The following MSRB3 variants were observed in gnomAD, a reference collection of about 807,000 sequenced individuals.
MSRB3 encodes the protein methionine-R-sulfoxide reductase B3.
Under a neutral mutation model 21.0 loss-of-function variants are expected in MSRB3, and 13 were observed. The ratio of observed to expected loss-of-function variants is 0.62; its 90% CI spans 0.40 to 0.98. MSRB3 has a LOEUF of 0.98. Ranked by LOEUF, MSRB3 falls within the 50% of genes least tolerant of loss-of-function variation. The pLI is 0.00. For synonymous variants in MSRB3, 87 were observed against 88.6 expected (o/e 0.98, Z 0.10); for missense variants, 199 against 230.3 (o/e 0.86, Z 0.88).
chr12:65,343,508 A>AT (rs554404575), intron 4 of MSRB3, among the ~76,000 whole-genome samples: 6 of 151,922 alleles, frequency 3.9e-5, no homozygotes, highest in Non-Finnish European at 8.8e-5. Flanking sequence ...AAATGGATTG[A>AT]TTTTTTTTAA....
At chr12:65,439,334 C>T (rs899845763) in intron 5 of MSRB3, among the ~76,000 whole-genome samples, 8 of 151,670 alleles carry the variant, frequency 5.3e-5, no homozygotes, top group South Asian at 4.1e-4. Context: ...TACATAGTTA[C>T]GGTGGATAAC....
intron 5 of MSRB3, among the ~76,000 whole-genome samples, chr12:65,395,320 G>C (rs1008474526): frequency 6.6e-6 from 1 of 152,004 alleles, no homozygotes; most frequent in Admixed American, 6.6e-5. Flanking sequence ...TACAAAATTA[G>C]CCGGGCATAG....
At chr12:65,366,352 C>T (rs185808727) in intron 4 of MSRB3, among the ~76,000 whole-genome samples, 11 of 152,158 alleles carry the variant, frequency 7.2e-5, no homozygotes, top group Admixed American at 3.9e-4. Flanking sequence ...GAAGAAGGGG[C>T]CCATGTAGGT....
intron 1 of MSRB3, among the ~76,000 whole-genome samples, chr12:65,298,938 A>T (rs1324399149): frequency 1.3e-5 from 2 of 152,208 alleles, no homozygotes; most frequent in Non-Finnish European, 2.9e-5. Context: ...TTGCATTACC[A>T]GGTTTTTTCT....
At chr12:65,324,206 C>T (rs1874869345) in intron 2 of MSRB3, among the ~76,000 whole-genome samples, 1 of 152,074 alleles carries the variant, frequency 6.6e-6, no homozygotes, top group Non-Finnish European at 1.5e-5. Flanking sequence ...TGCACCAAAA[C>T]CAAATAATTT....
chr12:65,341,711 AAG>A (rs556006025), intron 4 of MSRB3, among the ~76,000 whole-genome samples: 1 of 152,138 alleles, frequency 6.6e-6, no homozygotes, highest in South Asian at 2.1e-4. Flanking sequence ...AAAAATAAAA[AAG>A]AAAATAGATG....
rs570657493 is a variant in MSRB3 at position 65,302,894 on chromosome 12, T to C, written c.-51-5635T>C. Reference sequence around the variant, plus strand: ...GATGAAAAAATAGCGACAATGAAACTTCTCCCCCACAAAACTACATATATT... The same window carrying C: ...GATGAAAAAATAGCGACAATGAAACCTCTCCCCCACAAAACTACATATATT... On this transcript the variant is annotated intron_variant, in intron 1 of 6. Transcript: ENST00000308259. Among the ~76,000 whole-genome samples, 243 of 152,260 alleles carry C rather than the reference T, an allele frequency of 1.6e-3. 2 individuals are homozygous for C. Among genetic ancestry groups the C allele is most frequent in the Non-Finnish European group, 3.0e-3 (207 of 67,988 alleles).
At chr12:65,423,036 C>T (rs1881404895) in intron 5 of MSRB3, among the ~76,000 whole-genome samples, 1 of 148,414 alleles carries the variant, frequency 6.7e-6, no homozygotes, top group Non-Finnish European at 1.5e-5. Context: ...AATCTTGGCT[C>T]ACTGCAACCT....
chr12:65,348,682 G>T (rs1226223165), intron 4 of MSRB3, among the ~76,000 whole-genome samples: 1 of 152,076 alleles, frequency 6.6e-6, no homozygotes, highest in Middle Eastern at 3.2e-3. Context: ...TGACGTTAGG[G>T]TGTCAATTTT....
intron 1 of MSRB3, among the ~76,000 whole-genome samples, chr12:65,288,808 A>G (rs988948086): frequency 6.6e-6 from 1 of 152,122 alleles, no homozygotes; most frequent in African/African-American, 2.4e-5. Flanking sequence ...ATCTGGTCTT[A>G]TTTTTAAAAA....
At chr12:65,295,995 T>G (rs1240427375) in intron 1 of MSRB3, among the ~76,000 whole-genome samples, 1 of 152,202 alleles carries the variant, frequency 6.6e-6, no homozygotes, top group Non-Finnish European at 1.5e-5. Context: ...TTGCAATAAA[T>G]GTTTTATAAT....
chr12:65,317,832 C>A (rs1344680354), intron 2 of MSRB3, among the ~76,000 whole-genome samples: 1 of 151,958 alleles, frequency 6.6e-6, no homozygotes, highest in African/African-American at 2.4e-5. Flanking sequence ...GAAACATAGC[C>A]AAGATCATTA....
intron 1 of MSRB3, among the ~76,000 whole-genome samples, chr12:65,290,755 T>C (rs556871378): frequency 6.6e-6 from 1 of 152,184 alleles, no homozygotes; most frequent in Non-Finnish European, 1.5e-5. Context: ...TTGAAAAATA[T>C]TGATATGACC....
chr12:65,302,799 T>C (rs1355001378), intron 1 of MSRB3, among the ~76,000 whole-genome samples: 1 of 152,156 alleles, frequency 6.6e-6, no homozygotes, highest in African/African-American at 2.4e-5. Context: ...ACAAAGATTT[T>C]TTTATAGAAC....
At chr12:65,386,129 T>G (rs535856626) in intron 5 of MSRB3, among the ~76,000 whole-genome samples, 35 of 152,112 alleles carry the variant, frequency 2.3e-4, no homozygotes, top group African/African-American at 7.9e-4. Flanking sequence ...AACTATTTAA[T>G]TTTACCTATT....
At chr12:65,430,163 C>T (rs889072096) in intron 5 of MSRB3, among the ~76,000 whole-genome samples, 68 of 152,070 alleles carry the variant, frequency 4.5e-4, no homozygotes, top group African/African-American at 1.4e-3. Context: ...GTGAAGTGGA[C>T]GACACATTCT....
chr12:65,416,936 G>A (rs1057455243), intron 5 of MSRB3, among the ~76,000 whole-genome samples: 1 of 152,068 alleles, frequency 6.6e-6, no homozygotes, highest in Non-Finnish European at 1.5e-5. Flanking sequence ...GTACATCTTG[G>A]TTTGTATTGG....
At chr12:65,287,455 T>C (rs1872434168) in intron 1 of MSRB3, among the ~76,000 whole-genome samples, 1 of 152,132 alleles carries the variant, frequency 6.6e-6, no homozygotes, top group Non-Finnish European at 1.5e-5. Context: ...TTGTGTTTGA[T>C]TGTCAGAGAA....
intron 4 of MSRB3, among the ~76,000 whole-genome samples, chr12:65,336,906 A>G (rs1875795374): frequency 6.6e-6 from 1 of 152,236 alleles, no homozygotes; most frequent in Non-Finnish European, 1.5e-5. Flanking sequence ...AAACAAAGAT[A>G]CAGAAGCCAT....
Sources: allele counts gnomAD v4.1 joint callset (sites outside exome capture counted in the v4.1 genomes callset), GRCh38; gene constraint gnomAD v4.1.1; transcripts MANE v1.5; gene names NCBI Gene and HGNC (gene_info 2026-07-23, HGNC 2026-07-21).